Variants in IKZF1 observed in about 807,000 individuals in gnomAD.
The protein encoded by IKZF1 is IKAROS family zinc finger 1.
Under a neutral mutation model 51.7 loss-of-function variants are expected in IKZF1, and 10 were observed. The observed-to-expected ratio is 0.19, with a 90% confidence interval of 0.12 to 0.33. The LOEUF is 0.33. Among genes scored for constraint, IKZF1 ranks in the 10% least tolerant of loss-of-function variants. IKZF1 has a pLI of 1.00. For missense variants in IKZF1, 484 were observed against 707.5 expected, an observed-to-expected ratio of 0.68 and a Z score of 3.58; for synonymous variants, 280 against 282.3, an observed-to-expected ratio of 0.99 and a Z score of 0.08.
rs888507256 is a variant in IKZF1 at position 50,335,880 on chromosome 7, G to A, written c.160+8123G>A. Among the ~76,000 whole-genome samples the A allele has an allele frequency of 8.9e-4, 135 of 152,054 alleles. 1 individual carries two copies. In the East Asian group the frequency reaches 0.022, roughly 25 times the overall value. On this transcript the variant is annotated intron_variant, in intron 3 of 7. Coordinates refer to ENST00000331340, the MANE Select transcript of IKZF1 (RefSeq NM_006060.6). Reference sequence around the variant, plus strand: ...GGCCTGGCTCTATTGATTCCTAGCTGTTGGCCCTGGCAGGTGGCTCTGCTG... The same window carrying A: ...GGCCTGGCTCTATTGATTCCTAGCTATTGGCCCTGGCAGGTGGCTCTGCTG...
chr7:50,338,510 A>G (rs1166821130), intron 3 of IKZF1, among the ~76,000 whole-genome samples: 6 of 152,174 alleles, frequency 3.9e-5, no homozygotes, highest in Admixed American at 6.6e-5. Context: ...AGAAATGGGG[A>G]AAAAAAGGCT....
At chr7:50,320,797 A>G (rs1204181612) in intron 2 of IKZF1, among the ~76,000 whole-genome samples, 1 of 152,244 alleles carries the variant, frequency 6.6e-6, no homozygotes, top group Non-Finnish European at 1.5e-5. Context: ...TATAAATACA[A>G]ATATCAATTT....
intron 3 of IKZF1, among the ~76,000 whole-genome samples, chr7:50,373,524 T>C (rs918952626): frequency 6.6e-6 from 1 of 152,202 alleles, no homozygotes; most frequent in Non-Finnish European, 1.5e-5. Context: ...GTCCTTTTTC[T>C]AGCCTCGGAA....
rs569988287 is a variant in IKZF1, at chr7:50,361,759, C to T, written c.161-14774C>T. ...GGCATGGTGGTGCGCGCCTGTAGTC[C>T]CAGCTACCCGGGAGGCTGAGGCAGG... On this transcript the variant is annotated intron_variant, in intron 3 of 7. Coordinates refer to ENST00000331340, the MANE Select transcript of IKZF1 (RefSeq NM_006060.6). Among the ~76,000 whole-genome samples the T allele has an allele frequency of 1.1e-4, 16 of 152,196 alleles. No homozygotes were observed. In the South Asian group the frequency reaches 2.1e-3, roughly 20 times the overall value.
intron 7 of IKZF1, among the ~76,000 whole-genome samples, chr7:50,397,868 T>G (rs1304233319): frequency 2.0e-5 from 3 of 152,198 alleles, no homozygotes; most frequent in African/African-American, 7.2e-5. Flanking sequence ...CAAGTTTTTT[T>G]TCTCTAATCA....
rs142519389 is a variant in IKZF1 at position 50,381,109 on chromosome 7, C to T, written c.422-1431C>T. Among the ~76,000 whole-genome samples, 343 of 150,782 alleles carry T rather than the reference C, an allele frequency of 2.3e-3. 3 individuals are homozygous for T. The highest frequency in any genetic ancestry group is 7.9e-3 in the African/African-American group (325 of 41,344). On this transcript the variant is annotated intron_variant, in intron 4 of 7. Coordinates refer to ENST00000331340, the MANE Select transcript of IKZF1 (RefSeq NM_006060.6). ...AGCTTTTATAGTAATGCATCTAACCCGCCAGCTTAAAAAAAAAGTGATGAT... is the reference window on the plus strand; with the variant it reads ...AGCTTTTATAGTAATGCATCTAACCTGCCAGCTTAAAAAAAAAGTGATGAT...
At chr7:50,323,261 C>G (rs1481020759) in intron 2 of IKZF1, among the ~76,000 whole-genome samples, 1 of 152,168 alleles carries the variant, frequency 6.6e-6, no homozygotes, top group Admixed American at 6.5e-5. Context: ...GACCGGAAGT[C>G]CAACAGGGAG....
chr7:50,334,306 G>T lies in IKZF1; in HGVS notation c.160+6549G>T, dbSNP rs1000838361. On this transcript the variant is annotated intron_variant, in intron 3 of 7. Coordinates refer to ENST00000331340, the MANE Select transcript of IKZF1 (RefSeq NM_006060.6). ...CTTTCCTTGGAAAACTGAAATTGATGTGTGTGTGTTTGTGTATATGTGCAT... is the reference window on the plus strand; with the variant it reads ...CTTTCCTTGGAAAACTGAAATTGATTTGTGTGTGTTTGTGTATATGTGCAT... Among the ~76,000 whole-genome samples the T allele has an allele frequency of 6.1e-3, 933 of 152,300 alleles. 10 individuals are homozygous for T. Among genetic ancestry groups the T allele is most frequent in the African/African-American group, 0.021 (888 of 41,564 alleles).
chr7:50,375,250 T>A (rs1242514515), intron 3 of IKZF1, among the ~76,000 whole-genome samples: 1 of 152,000 alleles, frequency 6.6e-6, no homozygotes, highest in Non-Finnish European at 1.5e-5. Context: ...ACAAGACCCA[T>A]CTCTACAAAA....
At chr7:50,305,827 T>A (rs1788639348) in intron 1 of IKZF1, among the ~76,000 whole-genome samples, 1 of 152,204 alleles carries the variant, frequency 6.6e-6, no homozygotes, top group Non-Finnish European at 1.5e-5. Flanking sequence ...TTATGGAATT[T>A]GAAAATACTG....
At chr7:50,336,083 G>T (rs1254830585) in intron 3 of IKZF1, among the ~76,000 whole-genome samples, 1 of 152,144 alleles carries the variant, frequency 6.6e-6, no homozygotes. Context: ...TGGCTTTAGG[G>T]AGAAGCATTG....
At chr7:50,391,893 A>G in intron 7 of IKZF1, 30 bp downstream of exon 7, 1 of 1,592,554 alleles carries the variant, frequency 6.3e-7, no homozygotes, top group Non-Finnish European at 8.6e-7. Context: ...TGTCTCTTAA[A>G]AAAAAACTAT....
intron 3 of IKZF1, among the ~76,000 whole-genome samples, chr7:50,355,905 T>C (rs1230963040): frequency 6.6e-6 from 1 of 152,234 alleles, no homozygotes; most frequent in Non-Finnish European, 1.5e-5. Flanking sequence ...CACATGCCTG[T>C]GAAAATGCTA....
chr7:50,373,211 G>A (rs1412245815), intron 3 of IKZF1, among the ~76,000 whole-genome samples: 3 of 152,204 alleles, frequency 2.0e-5, no homozygotes, highest in African/African-American at 7.2e-5. Flanking sequence ...CAGAACCGGT[G>A]TTCCTGAAGC....
chr7:50,398,113 A>G (rs1016604455), intron 7 of IKZF1, among the ~76,000 whole-genome samples: 5 of 152,232 alleles, frequency 3.3e-5, no homozygotes, highest in African/African-American at 1.2e-4. Flanking sequence ...TGATGACCTC[A>G]GTGTCAGGTG....
At chr7:50,325,621 A>G (rs1794761650) in intron 2 of IKZF1, among the ~76,000 whole-genome samples, 1 of 152,018 alleles carries the variant, frequency 6.6e-6, no homozygotes. Flanking sequence ...AAAAAATACA[A>G]AAATTTAGTT....
At chr7:50,363,107 T>A (rs1398663192) in intron 3 of IKZF1, among the ~76,000 whole-genome samples, 1 of 152,114 alleles carries the variant, frequency 6.6e-6, no homozygotes, top group African/African-American at 2.4e-5. Flanking sequence ...TGAAGCACCA[T>A]CAACATGCAT....
intron 3 of IKZF1, among the ~76,000 whole-genome samples, chr7:50,355,978 T>C (rs1473652407): frequency 1.3e-5 from 2 of 152,232 alleles, no homozygotes; most frequent in African/African-American, 4.8e-5. Context: ...GACTCAGAGC[T>C]CTGCCACTGG....
chr7:50,374,437 T>C (rs1005137208), intron 3 of IKZF1, among the ~76,000 whole-genome samples: 1 of 152,216 alleles, frequency 6.6e-6, no homozygotes, highest in East Asian at 1.9e-4. Context: ...TGCCTGCAGT[T>C]ACCTTCCAGC....
Sources: gnomAD v4.1 joint callset for allele counts (sites outside exome capture counted in the v4.1 genomes callset) on GRCh38, gnomAD v4.1.1 for gene constraint, MANE v1.5 for transcripts, NCBI Gene and HGNC (gene_info 2026-07-23, HGNC 2026-07-21) for gene names.